AFAP1L2: variants seen among roughly 807,000 people sequenced by gnomAD.
AFAP1L2 encodes actin filament associated protein 1 like 2, also known as actin filament-associated protein 1-like 2.
In AFAP1L2, 46 loss-of-function variants were observed where a neutral mutation model predicts 99.3. The ratio of observed to expected loss-of-function variants is 0.46; its 90% CI spans 0.37 to 0.59. The LOEUF is 0.59. Ranked by LOEUF, AFAP1L2 falls within the 20% of genes least tolerant of loss-of-function variation. AFAP1L2 has a pLI of 0.00. For synonymous variants in AFAP1L2, 397 were observed against 419.1 expected, an observed-to-expected ratio of 0.95 and a Z score of 0.64; for missense variants, 959 against 1,034.9, an observed-to-expected ratio of 0.93 and a Z score of 1.01.
At chr10:114,301,919 G>A in intron 12 of AFAP1L2, 2 of 257,048 alleles carry the variant, frequency 7.8e-6, no homozygotes, top group Non-Finnish European at 1.5e-5. Flanking sequence ...CTACCACCCT[G>A]ACCAGAGAAC....
Position 114,377,303 on chromosome 10 carries a change from C to G in AFAP1L2, c.16+27137G>C, listed in dbSNP as rs1019700817. ...TAGTAGAAATATTCTGCCTTAAAAC[C>G]CTTCAGAGAGGCCAGTTCCAAGGCA... On this transcript the variant is annotated intron_variant, in intron 1 of 18. Transcript: ENST00000304129. This position sits in a 1 kb window ranked among gnomAD's most constrained non-coding sequence, Gnocchi z 4.0. Among the ~76,000 whole-genome samples the G allele has an allele frequency of 2.0e-5, 3 of 152,114 alleles. No individual in the cohort carries two copies. Among genetic ancestry groups the G allele is most frequent in the Admixed American group, 2.0e-4 (3 of 15,268 alleles).
chr10:114,352,937 C>T (rs2050765329), intron 1 of AFAP1L2, among the ~76,000 whole-genome samples: 1 of 152,244 alleles, frequency 6.6e-6, no homozygotes, highest in Non-Finnish European at 1.5e-5. Context: ...CCCCTTCCCC[C>T]TCATCCATTC....
intron 1 of AFAP1L2, among the ~76,000 whole-genome samples, chr10:114,372,414 G>T (rs12246485): frequency 0.16 from 25,017 of 152,056 alleles, 2,222 homozygotes; most frequent in South Asian, 0.26. Flanking sequence ...CGGGTAGGAG[G>T]GGCAGGGTTT....
chr10:114,326,025 C>CGGCCCCG (rs1564876319), intron 4 of AFAP1L2: 1 of 1,288,324 alleles, frequency 7.8e-7, no homozygotes, highest in East Asian at 5.6e-5. Flanking sequence ...GAGATCTGGC[C>CGGCCCCG]CAAGGTCAGG....
At position 114,300,569 on chromosome 10, in the gene AFAP1L2, G is replaced by T; in HGVS notation, c.1664C>A (p.Ala555Asp). The T allele has an allele frequency of 2.5e-6, 4 of 1,614,196 alleles. No homozygotes were observed. The highest frequency in any genetic ancestry group is 3.4e-6 in the Non-Finnish European group (4 of 1,180,036). The change falls in exon 14 of 19, where the codon GCC (alanine) becomes GAC (aspartate). Residue 555 changes from alanine to aspartate, a missense_variant. By Grantham distance (126) the Ala-to-Asp change is moderately radical (BLOSUM62 -2). Around this residue, in one of 2 missense-constraint regions of AFAP1L2, gnomAD observed 576 missense variants for 562.1 expected, o/e 1.02. Transcript: ENST00000304129. ...GGACAACGTCGGGGAGGAGGCCTGGGCCTGTGCACTGCTGGGGCCATGCAG... is the reference window on the plus strand; with the variant it reads ...GGACAACGTCGGGGAGGAGGCCTGGTCCTGTGCACTGCTGGGGCCATGCAG... ...SFLHGPSSAQ[A>D]QASSPTLSCL...
At chr10:114,322,825 C>T (rs113254257) in intron 5 of AFAP1L2, among the ~76,000 whole-genome samples, 31 of 152,326 alleles carry the variant, frequency 2.0e-4, no homozygotes, top group African/African-American at 7.2e-4. Flanking sequence ...GGCCTGTTGG[C>T]CAACACTCCT....
intron 1 of AFAP1L2, among the ~76,000 whole-genome samples, chr10:114,355,649 A>G (rs1378065889): frequency 6.6e-6 from 1 of 152,160 alleles, no homozygotes; most frequent in Non-Finnish European, 1.5e-5. Flanking sequence ...AATGCATACC[A>G]TCTAATAAAG....
chr10:114,401,205 C>A (rs2138468423), intron 1 of AFAP1L2, among the ~76,000 whole-genome samples: 1 of 152,262 alleles, frequency 6.6e-6, no homozygotes, highest in African/African-American at 2.4e-5. Context: ...TAAATTGAAG[C>A]TGAATATCTC....
chr10:114,304,907 T>TGTTCACCAGCAC lies in AFAP1L2; in HGVS notation c.1084_1095dup (p.Val362_Asn365dup). 6.2e-7 allele frequency: 1 copy of TGTTCACCAGCAC among 1,613,026 alleles called. No homozygotes were observed. The highest frequency in any genetic ancestry group is 8.5e-7 in the Non-Finnish European group (1 of 1,179,982). ...GAGCACCAGCGAGACTTCCACTGGC[T>TGTTCACCAGCAC]GTTCACCAGCACGTTCAGGTAACCT... On this transcript the variant is annotated inframe_insertion, in exon 11 of 19. Transcript: ENST00000304129.
intron 13 of AFAP1L2, among the ~76,000 whole-genome samples, chr10:114,301,038 C>T (rs774790536): frequency 1.3e-4 from 20 of 152,156 alleles, no homozygotes; most frequent in Non-Finnish European, 2.5e-4. Flanking sequence ...TGTGATCATC[C>T]CACTCAACAA....
At chr10:114,284,966 C>T in the AFAP1L2 span, 6,958 of 1,596,234 alleles carry the variant, frequency 4.4e-3, 248 homozygotes, top group African/African-American at 0.079. Flanking sequence ...GGGAGGCTAA[C>T]TGTGGTAGGT....
At chr10:114,291,271 G>A (rs1330787379), downstream of AFAP1L2, 36 of 1,544,236 alleles carry the variant, frequency 2.3e-5, no homozygotes, top group African/African-American at 5.5e-5. Flanking sequence ...GGCAGCAGCC[G>A]TACCCCTCCC....
rs146022448 is a variant in AFAP1L2 at position 114,319,755 on chromosome 10, C to T, written c.406+3416G>A. On this transcript the variant is annotated intron_variant, in intron 5 of 18. Transcript: ENST00000304129. ...AGAGAGAGACCCAGATGTGGCAACT[C>T]GGCTGCCAGTCCACCAGAGGTTAGT... is the stretch of plus-strand genomic sequence containing the variant. 659 of 681,178 alleles carry T rather than the reference C, an allele frequency of 9.7e-4. 2 individuals carry two copies. In the African/African-American group the frequency reaches 0.011, roughly 11 times the overall value. The allele number at this position is 681,178 out of a possible 1,614,324, so 42.2% of individuals were successfully genotyped here. A position where few individuals can be genotyped will look rare whatever the true frequency, so the allele number is the denominator to read the frequency against.
intron 7 of AFAP1L2, among the ~76,000 whole-genome samples, chr10:114,311,666 C>T (rs1269807206): frequency 6.6e-6 from 1 of 152,228 alleles, no homozygotes; most frequent in Non-Finnish European, 1.5e-5. Context: ...GGGCCAAATA[C>T]ACGGATGGCC....
intron 1 of AFAP1L2, among the ~76,000 whole-genome samples, chr10:114,364,099 C>T (rs993672271): frequency 6.6e-6 from 1 of 152,194 alleles, no homozygotes; most frequent in African/African-American, 2.4e-5. Flanking sequence ...CTTTGAGTCC[C>T]TCTTTGCTTG....
chr10:114,331,670 G>T, intron 4 of AFAP1L2, 133 bp downstream of exon 4: 1 of 565,088 alleles, frequency 1.8e-6, no homozygotes, highest in Non-Finnish European at 2.8e-6. Flanking sequence ...CCCTACACGT[G>T]CCTTGTCCCA....
chr10:114,365,913 G>A (rs1053643079), intron 1 of AFAP1L2, among the ~76,000 whole-genome samples: 1 of 146,002 alleles, frequency 6.8e-6, no homozygotes, highest in South Asian at 2.2e-4. Flanking sequence ...ATTTTTTTTT[G>A]TATAGAGATG....
Position 114,307,728 on chromosome 10 carries a change from G to C in AFAP1L2, c.1072+77C>G. 3 of 1,253,634 alleles carry C rather than the reference G, an allele frequency of 2.4e-6. No individual in the cohort carries two copies. The South Asian group carries it at 3.7e-5, about 15-fold the overall frequency. The allele number at this position is 1,253,634 out of a possible 1,614,324, so 77.7% of individuals were successfully genotyped here. A position where few individuals can be genotyped will look rare whatever the true frequency, so the allele number is the denominator to read the frequency against. On this transcript the variant is annotated intron_variant, in intron 10 of 18. Transcript: ENST00000304129. ...GGAAGACCTAAAACCCCCTGCCTTC[G>C]CTGTCTGAGCTCGCCTTCCTGCAGG...
intron 8 of AFAP1L2, 28 bp downstream of exon 8, chr10:114,310,326 T>G (rs2043033879): frequency 6.3e-7 from 1 of 1,583,382 alleles, no homozygotes; most frequent in Non-Finnish European, 8.6e-7. Context: ...GGAAGGGGAC[T>G]CTCCCTCCAG....
Sources: gnomAD v4.1 joint callset for allele counts (sites outside exome capture counted in the v4.1 genomes callset) on GRCh38, gnomAD v4.1.1 for gene constraint, gnomAD v4.1.1 regional missense constraint, Gnocchi (gnomAD v3.1) non-coding constraint, MANE v1.5 for transcripts, NCBI Gene and HGNC (gene_info 2026-07-23, HGNC 2026-07-21) for gene names.